The following FANCL variants were observed in gnomAD, a reference collection of about 807,000 sequenced individuals.
FANCL encodes E3 ubiquitin-protein ligase FANCL.
A neutral mutation model predicts 59.4 loss-of-function variants in FANCL; 69 were observed. That is an observed-to-expected ratio of 1.16 (90% confidence interval 0.96 to 1.42). FANCL has a LOEUF of 1.42. Ranked by LOEUF, FANCL falls within the 40% of genes most tolerant of loss-of-function variation. The pLI, the probability that FANCL is intolerant of heterozygous loss-of-function variation, is 0.00. For missense variants in FANCL, 519 were observed against 447.2 expected, an observed-to-expected ratio of 1.16 and a Z score of -1.45; for synonymous variants, 180 against 147.1, an observed-to-expected ratio of 1.22 and a Z score of -1.62.
intron 7 of FANCL, among the ~76,000 whole-genome samples, chr2:58,166,982 G>C (rs1416663953): frequency 1.3e-5 from 2 of 152,216 alleles, no homozygotes; most frequent in East Asian, 3.8e-4. Context: ...GGGAGGCTGA[G>C]GTGCGCAGAT....
intron 6 of FANCL, among the ~76,000 whole-genome samples, chr2:58,200,309 C>T (rs1442311363): frequency 6.6e-6 from 1 of 151,968 alleles, no homozygotes; most frequent in African/African-American, 2.4e-5. Context: ...GCTCTGCTAA[C>T]TAAGTTGTAT....
chr2:58,163,833 AAC>A (rs1289549262), intron 8 of FANCL, among the ~76,000 whole-genome samples: 1 of 151,982 alleles, frequency 6.6e-6, no homozygotes, highest in East Asian at 1.9e-4. Flanking sequence ...TTAATATCAA[AAC>A]TATCACAAGT....
intron 5 of FANCL, among the ~76,000 whole-genome samples, chr2:58,209,252 T>C (rs1573719745): frequency 1.3e-5 from 2 of 152,212 alleles, no homozygotes; most frequent in East Asian, 1.9e-4. Flanking sequence ...CATGTATATA[T>C]GACAATGTAG....
intron 5 of FANCL, among the ~76,000 whole-genome samples, chr2:58,204,644 A>G (rs1243157651): frequency 1.3e-5 from 2 of 152,074 alleles, no homozygotes; most frequent in African/African-American, 4.8e-5. Context: ...TTTCTCCTCA[A>G]TGAACTTCTC....
intron 7 of FANCL, among the ~76,000 whole-genome samples, chr2:58,195,048 A>T (rs1253081294): frequency 6.6e-6 from 1 of 152,158 alleles, no homozygotes; most frequent in Admixed American, 6.6e-5. Context: ...TCTATTTACC[A>T]TCTCTTAAAT....
intron 3 of FANCL, among the ~76,000 whole-genome samples, chr2:58,227,173 T>A (rs1693092598): frequency 6.6e-6 from 1 of 152,110 alleles, no homozygotes; most frequent in African/African-American, 2.4e-5. Context: ...GGGCAGGCTG[T>A]GGAGCTCCAA....
In FANCL at chr2:58,159,719, A is replaced by G; in HGVS notation, c.*46T>C. 2 of 1,612,042 alleles carry G rather than the reference A, an allele frequency of 1.2e-6. No homozygotes were observed. Among genetic ancestry groups the G allele is most frequent in the Non-Finnish European group, 1.7e-6 (2 of 1,179,368 alleles). On this transcript the variant is annotated 3_prime_UTR_variant, in exon 14 of 14. Coordinates refer to ENST00000233741, the MANE Select transcript of FANCL (RefSeq NM_018062.4). ...AGATGATACCAAAATTCCTTTTGATAATTTTTTAAGTTTCCAGCTCTTCAC... is the reference window on the plus strand; with the variant it reads ...AGATGATACCAAAATTCCTTTTGATGATTTTTTAAGTTTCCAGCTCTTCAC...
At chr2:58,241,127 G>A in intron 1 of FANCL, 91 bp downstream of exon 1, 1 of 1,367,404 alleles carries the variant, frequency 7.3e-7, no homozygotes, top group Non-Finnish European at 1.0e-6. Context: ...CACAAGTCTG[G>A]GCCCCTAACC....
chr2:58,183,792 A>G (rs541393474), intron 7 of FANCL, among the ~76,000 whole-genome samples: 4 of 152,068 alleles, frequency 2.6e-5, no homozygotes, highest in African/African-American at 7.2e-5. Context: ...AAAATACATT[A>G]AAGTTGATTC....
At chr2:58,164,335 T>C (rs1441007709) in intron 8 of FANCL, among the ~76,000 whole-genome samples, 2 of 152,010 alleles carry the variant, frequency 1.3e-5, no homozygotes, top group African/African-American at 4.8e-5. Flanking sequence ...AATGCAGTTA[T>C]TGCATATCTG....
At chr2:58,204,479 T>C (rs1409195904) in intron 5 of FANCL, among the ~76,000 whole-genome samples, 2 of 152,128 alleles carry the variant, frequency 1.3e-5, no homozygotes, top group African/African-American at 4.8e-5. Flanking sequence ...CTGTGGTCAG[T>C]GAGCACTATG....
intron 7 of FANCL, among the ~76,000 whole-genome samples, chr2:58,178,747 G>A (rs889343962): frequency 6.6e-6 from 1 of 152,144 alleles, no homozygotes; most frequent in Non-Finnish European, 1.5e-5. Context: ...TCAGGCAAGA[G>A]AAAGAAATAA....
In FANCL at chr2:58,198,751, C is replaced by T. The variant is rs1048418843; in HGVS notation, c.472-89G>A. On this transcript the variant is annotated intron_variant, in intron 6 of 13. Transcript: ENST00000233741. ...TAGAAAAACTAGATGTATTAGGGGC[C>T]GGGCGCGGTGGCTCACGCCTGTAAT... 22 of 1,038,858 alleles carry T rather than the reference C, an allele frequency of 2.1e-5. No individual in the cohort carries two copies. In the East Asian group the frequency reaches 2.6e-4, roughly 12 times the overall value. The allele number at this position is 1,038,858 out of a possible 1,614,324, so 64.4% of individuals were successfully genotyped here. A position where few individuals can be genotyped will look rare whatever the true frequency, so the allele number is the denominator to read the frequency against.
intron 7 of FANCL, chr2:58,194,410 T>C: frequency 2.4e-6 from 1 of 410,188 alleles, no homozygotes; most frequent in South Asian, 1.8e-5. Context: ...ATTAAGGATA[T>C]ATTTTGAAGC....
intron 7 of FANCL, among the ~76,000 whole-genome samples, chr2:58,184,470 A>C (rs1688213236): frequency 6.6e-6 from 1 of 152,062 alleles, no homozygotes; most frequent in Non-Finnish European, 1.5e-5. Context: ...TAGCAAAACA[A>C]CTGTACAGCT....
chr2:58,220,068 A>T (rs1692316443), intron 5 of FANCL, among the ~76,000 whole-genome samples: 1 of 151,774 alleles, frequency 6.6e-6, no homozygotes, highest in East Asian at 1.9e-4. Flanking sequence ...CATATAAAAT[A>T]AGATTACAGA....
chr2:58,163,114 T>G, intron 9 of FANCL, 40 bp from the exon 10 acceptor site: 80 of 1,486,294 alleles, frequency 5.4e-5, no homozygotes, highest in Non-Finnish European at 6.7e-5. Context: ...TTGCATGCTC[T>G]ACTCTTGGTT....
At chr2:58,200,779 T>C (rs1054548815) in intron 6 of FANCL, among the ~76,000 whole-genome samples, 3 of 151,888 alleles carry the variant, frequency 2.0e-5, no homozygotes, top group Non-Finnish European at 4.4e-5. Context: ...AAATATATGA[T>C]CCTACATATA....
intron 7 of FANCL, among the ~76,000 whole-genome samples, chr2:58,185,328 A>G (rs1688296174): frequency 6.6e-6 from 1 of 152,130 alleles, no homozygotes; most frequent in Admixed American, 6.6e-5. Context: ...ACTGTTCCGT[A>G]TACGGGCTTG....
Sources: allele counts gnomAD v4.1 joint callset (sites outside exome capture counted in the v4.1 genomes callset), GRCh38; gene constraint gnomAD v4.1.1; transcripts MANE v1.5; gene names NCBI Gene and HGNC (gene_info 2026-07-23, HGNC 2026-07-21).